PILRA: variants seen among roughly 807,000 people sequenced by gnomAD.
PILRA encodes the protein paired immunoglobin like type 2 receptor alpha.
A neutral mutation model predicts 33.1 loss-of-function variants in PILRA; 37 were observed. That is an observed-to-expected ratio of 1.12 (90% confidence interval 0.86 to 1.47). The LOEUF (loss-of-function observed/expected upper bound fraction) is 1.47. Ranked by LOEUF, PILRA falls within the 40% of genes most tolerant of loss-of-function variation. PILRA has a pLI of 0.00. For missense variants in PILRA, 312 were observed against 376.2 expected, an observed-to-expected ratio of 0.83 and a Z score of 1.41; for synonymous variants, 146 against 149.9, an observed-to-expected ratio of 0.97 and a Z score of 0.19.
At chr7:100,374,489 C>T (rs1347518750) in intron 2 of PILRA, 56 bp downstream of exon 2, 2 of 1,603,118 alleles carry the variant, frequency 1.2e-6, no homozygotes, top group African/African-American at 2.7e-5. Flanking sequence ...CTTTTATGAT[C>T]ACTGGTGACA....
chr7:100,382,694 C>T (rs545264153), intron 2 of PILRA, among the ~76,000 whole-genome samples: 49 of 152,344 alleles, frequency 3.2e-4, no homozygotes, highest in Non-Finnish European at 4.9e-4. Flanking sequence ...TTCTCTTCTA[C>T]GGTGTGGAAA....
At position 100,399,286 on chromosome 7, in the gene PILRA, T is replaced by C; in HGVS notation, c.708-5T>C. On this transcript the variant is annotated splice_region_variant and splice_polypyrimidine_tract_variant and intron_variant, in intron 4 of 6. Coordinates refer to ENST00000198536, the MANE Select transcript of PILRA (RefSeq NM_013439.3). ...CATATTTCCTGTCCTCTTGTTCCCA[T>C]ACAGGGAACCCTTCCAAAACACAGA... is the stretch of plus-strand genomic sequence containing the variant. The C allele has an allele frequency of 6.2e-7, 1 of 1,608,032 alleles. No individual in the cohort carries two copies. Among genetic ancestry groups the C allele is most frequent in the Non-Finnish European group, 8.5e-7 (1 of 1,174,916 alleles).
At chr7:100,378,862 G>A (rs1169256400) in intron 2 of PILRA, among the ~76,000 whole-genome samples, 1 of 152,086 alleles carries the variant, frequency 6.6e-6, no homozygotes, top group African/African-American at 2.4e-5. Context: ...GGAGGTCAAG[G>A]CGGGTGGATC....
chr7:100,382,931 C>T (rs181539152), intron 2 of PILRA, among the ~76,000 whole-genome samples: 20 of 152,336 alleles, frequency 1.3e-4, no homozygotes, highest in African/African-American at 4.8e-4. Context: ...AACACTCAAA[C>T]TGCAAGCGTC....
intron 2 of PILRA, 119 bp from the exon 3 acceptor site, chr7:100,389,769 T>A (rs746106383): frequency 1.3e-6 from 1 of 785,750 alleles, no homozygotes; most frequent in Non-Finnish European, 2.2e-6. Flanking sequence ...TGTGTGGGCT[T>A]CAGAGAGGAG....
At chr7:100,379,108 A>AG (rs1225142251) in intron 2 of PILRA, among the ~76,000 whole-genome samples, 1 of 151,310 alleles carries the variant, frequency 6.6e-6, no homozygotes, top group African/African-American at 2.4e-5. Flanking sequence ...AAAAAAAAAA[A>AG]AAAGTAATGC....
At chr7:100,378,532 C>T (rs1218956617) in intron 2 of PILRA, among the ~76,000 whole-genome samples, 3 of 152,092 alleles carry the variant, frequency 2.0e-5, no homozygotes, top group Non-Finnish European at 2.9e-5. Flanking sequence ...CAGGCTAATA[C>T]ACAATCTTCC....
chr7:100,385,099 G>C (rs2130197622), intron 2 of PILRA, among the ~76,000 whole-genome samples: 1 of 152,298 alleles, frequency 6.6e-6, no homozygotes, highest in South Asian at 2.1e-4. Flanking sequence ...GAAGTGAGTA[G>C]ATACCATCTA....
chr7:100,378,813 C>G (rs1791011206), intron 2 of PILRA, among the ~76,000 whole-genome samples: 1 of 152,096 alleles, frequency 6.6e-6, no homozygotes, highest in African/African-American at 2.4e-5. Flanking sequence ...GCATAGGCAG[C>G]CAGGCGTGGT....
chr7:100,384,076 G>A (rs1584219716), intron 2 of PILRA, among the ~76,000 whole-genome samples: 4 of 152,226 alleles, frequency 2.6e-5, no homozygotes, highest in Admixed American at 2.6e-4. Context: ...GTGAGAGTTG[G>A]CTGATACTGG....
intron 3 of PILRA, among the ~76,000 whole-genome samples, chr7:100,393,914 G>A (rs1228008549): frequency 6.6e-6 from 1 of 152,048 alleles, no homozygotes; most frequent in Non-Finnish European, 1.5e-5. Context: ...TGAGAGCCCC[G>A]GCCCTCTCCA....
intron 2 of PILRA, among the ~76,000 whole-genome samples, chr7:100,377,760 G>A (rs1199625229): frequency 6.6e-6 from 1 of 151,790 alleles, no homozygotes; most frequent in Non-Finnish European, 1.5e-5. Flanking sequence ...AAAAAAATTT[G>A]TATGTAGTGA....
In PILRA at chr7:100,399,632, C is replaced by T. The variant is rs1791608257; in HGVS notation, c.789+20C>T. 1 of 1,613,588 alleles carries T rather than the reference C, an allele frequency of 6.2e-7. No individual in the cohort carries two copies. Among genetic ancestry groups the T allele is most frequent in the Non-Finnish European group, 8.5e-7 (1 of 1,179,590 alleles). ...CCCAAGGTAAGCAATCAGACCAGGG[C>T]CTGAAGGAATTAAAGAGAAGCCTGG... is the stretch of plus-strand genomic sequence containing the variant. On this transcript the variant is annotated intron_variant, in intron 6 of 6. Coordinates refer to ENST00000198536, the MANE Select transcript of PILRA (RefSeq NM_013439.3).
intron 2 of PILRA, among the ~76,000 whole-genome samples, chr7:100,380,199 C>G (rs1398885352): frequency 1.3e-5 from 2 of 152,172 alleles, no homozygotes; most frequent in Non-Finnish European, 2.9e-5. Context: ...TCCCCCAGCA[C>G]CGGGGACTAT....
chr7:100,378,478 G>A (rs1791003614), intron 2 of PILRA, among the ~76,000 whole-genome samples: 1 of 152,184 alleles, frequency 6.6e-6, no homozygotes, highest in Non-Finnish European at 1.5e-5. Context: ...ACTCTTTTAA[G>A]TCAGTTGCAT....
chr7:100,379,140 C>A (rs1791021864), intron 2 of PILRA, among the ~76,000 whole-genome samples: 1 of 149,390 alleles, frequency 6.7e-6, no homozygotes, highest in Non-Finnish European at 1.5e-5. Context: ...GCAGTGGTTT[C>A]TGCCTGTAAT....
At position 100,374,701 on chromosome 7, in the gene PILRA, T is replaced by C. The variant is rs527989664; in HGVS notation, c.454+268T>C. On this transcript the variant is annotated intron_variant, in intron 2 of 6. Transcript: ENST00000198536. ...CCACTCCTCAGGCCTCAGCAGCTGC[T>C]GGACCCTCTAATTATCCTTCATTCT... The C allele has an allele frequency of 1.3e-4, 67 of 520,598 alleles. No individual in the cohort carries two copies. In the East Asian group the frequency reaches 2.2e-3, roughly 17 times the overall value. 32.2% of individuals were successfully genotyped at this position (520,598 alleles called of 1,614,324 possible). A position where few individuals can be genotyped will look rare whatever the true frequency, so the allele number is the denominator to read the frequency against.
rs188993278 is a variant in PILRA, at chr7:100,381,923, C to T, written c.454+7490C>T. Among the ~76,000 whole-genome samples, 315 of 152,276 alleles carry T rather than the reference C, an allele frequency of 2.1e-3. 2 individuals are homozygous for T. Among genetic ancestry groups the T allele is most frequent in the African/African-American group, 7.2e-3 (300 of 41,566 alleles). On this transcript the variant is annotated intron_variant, in intron 2 of 6. Coordinates refer to ENST00000198536, the MANE Select transcript of PILRA (RefSeq NM_013439.3). ...GCAGTGCCAGCCCACCGGCGCTGTG[C>T]TCGATTTCTCGCCAGGCCTTAGCTG...
intron 3 of PILRA, among the ~76,000 whole-genome samples, chr7:100,393,143 G>A (rs1791421465): frequency 6.6e-6 from 1 of 152,140 alleles, no homozygotes; most frequent in African/African-American, 2.4e-5. Flanking sequence ...AGCTGTGCAT[G>A]GTGATGCGCC....
Sources: gnomAD v4.1 joint callset for allele counts (sites outside exome capture counted in the v4.1 genomes callset) on GRCh38, gnomAD v4.1.1 for gene constraint, MANE v1.5 for transcripts, NCBI Gene and HGNC (gene_info 2026-07-23, HGNC 2026-07-21) for gene names.